The following GRIP2 variants were observed in gnomAD, a reference collection of about 807,000 sequenced individuals.
GRIP2 encodes the protein glutamate receptor interacting protein 2.
In GRIP2, 58 loss-of-function variants were observed where a neutral mutation model predicts 108.3. The observed-to-expected ratio is 0.54, with a 90% CI of 0.43 to 0.67. The LOEUF is 0.67. Among genes scored for constraint, GRIP2 ranks in the 30% least tolerant of loss-of-function variants. GRIP2 has a pLI of 0.00. For missense variants in GRIP2, 1,278 were observed against 1,430.6 expected (o/e 0.89, Z 1.72); for synonymous variants, 586 against 598.2 (o/e 0.98, Z 0.30).
At chr3:14,596,842 G>A in the GRIP2 span, among the ~76,000 whole-genome samples, 1 of 152,006 alleles carries the variant, frequency 6.6e-6, no homozygotes, top group African/African-American at 2.4e-5. Context: ...CCAGGCCCAA[G>A]TAATCCTCTT....
upstream of GRIP2, chr3:14,541,858 CG>C: frequency 7.6e-7 from 1 of 1,315,922 alleles, no homozygotes; most frequent in African/African-American, 1.5e-5. Context: ...CATGCAGGGA[CG>C]GGGGTACACG....
At chr3:14,516,935 T>C (rs1694263668) in intron 11 of GRIP2, 129 bp downstream of exon 11, 1 of 870,204 alleles carries the variant, frequency 1.1e-6, no homozygotes, top group Admixed American at 4.0e-5. Context: ...TCATGTTATT[T>C]AACATTCCCA....
chr3:14,523,812 G>C, intron 4 of GRIP2, 114 bp from the exon 5 acceptor site: 1 of 741,062 alleles, frequency 1.3e-6, no homozygotes, highest in Non-Finnish European at 2.4e-6. Flanking sequence ...ATTACAGGGA[G>C]GGTAAACCCT....
the GRIP2 span, among the ~76,000 whole-genome samples, chr3:14,572,634 A>T: frequency 1.3e-5 from 2 of 148,762 alleles, 1 homozygote; most frequent in African/African-American, 4.9e-5. Flanking sequence ...AAAAAAAAAG[A>T]CACAAGCTAG....
At chr3:14,597,154 A>G in the GRIP2 span, among the ~76,000 whole-genome samples, 1 of 152,218 alleles carries the variant, frequency 6.6e-6, no homozygotes, top group Admixed American at 6.5e-5. Flanking sequence ...TTTTGGGTGA[A>G]GGCATTAAAG....
chr3:14,602,683 G>A, the GRIP2 span, among the ~76,000 whole-genome samples: 1 of 151,818 alleles, frequency 6.6e-6, no homozygotes, highest in Non-Finnish European at 1.5e-5. This position sits in a 1 kb window ranked among gnomAD's most constrained non-coding sequence, Gnocchi z 4.7. Context: ...CGCGCCCCGT[G>A]GGCCCCACTG....
chr3:14,521,085 C>T lies in GRIP2; in HGVS notation c.713-548G>A, dbSNP rs1051374354. The T allele has an allele frequency of 1.8e-5, 3 of 166,504 alleles. No individual in the cohort carries two copies. Among genetic ancestry groups the T allele is most frequent in the African/African-American group, 7.2e-5 (3 of 41,696 alleles). The allele number at this position is 166,504 out of a possible 1,614,324, so 10.3% of individuals were successfully genotyped here. A position where few individuals can be genotyped will look rare whatever the true frequency, so the allele number is the denominator to read the frequency against. On this transcript the variant is annotated intron_variant, in intron 7 of 23. Coordinates refer to ENST00000621039, the MANE Select transcript of GRIP2 (RefSeq NM_001080423.4). The surrounding 1 kb of genome is among the most constrained non-coding windows in gnomAD (Gnocchi z 5.1). ...GCTCTCGCTTGGACAGCTGCTGCCG[C>T]TTCCTATGGCCTCCCGGCTTCCACC...
chr3:14,578,649 A>G, the GRIP2 span, among the ~76,000 whole-genome samples: 1 of 152,068 alleles, frequency 6.6e-6, no homozygotes, highest in East Asian at 1.9e-4. Flanking sequence ...CCTGGGAGGC[A>G]AAGGTTGCAG....
At position 14,521,843 on chromosome 3, in the gene GRIP2, G is replaced by C; in HGVS notation, c.567-56C>G. ...CCGGCAGCAGCACTGGGCACAGCCT[G>C]TCTGGGAGGGCGCTGGGAAGCGGGA... On this transcript the variant is annotated intron_variant, in intron 6 of 23. Coordinates refer to ENST00000621039, the MANE Select transcript of GRIP2 (RefSeq NM_001080423.4). The surrounding 1 kb of genome is among the most constrained non-coding windows in gnomAD (Gnocchi z 5.1). 6.8e-7 allele frequency: 1 copy of C among 1,474,430 alleles called. No homozygotes were observed. Among genetic ancestry groups the C allele is most frequent in the Non-Finnish European group, 9.0e-7 (1 of 1,108,106 alleles). 91.3% of individuals were successfully genotyped at this position (1,474,430 alleles called of 1,614,324 possible).
In GRIP2 at chr3:14,514,438, A is replaced by C. The variant is rs1488659972; in HGVS notation, c.1347T>G (p.Ile449Met). 4 of 1,578,236 alleles carry C rather than the reference A, an allele frequency of 2.5e-6. No homozygotes were observed. Among genetic ancestry groups the C allele is most frequent in the Non-Finnish European group, 3.4e-6 (4 of 1,163,642 alleles). Residue 449 changes from isoleucine (I) to methionine (M), a missense_variant, in exon 12 of 24, where the codon ATT (isoleucine) becomes ATG (methionine). Transcript: ENST00000621039. ...CGACCTCCGTGGTCTCCGTGTGCAC[A>C]ATCTGCCCGCCCGGCCCCACCGTGC... ...ASSTVGPGGQ[I>M]VHTETTEVVL...
upstream of GRIP2, among the ~76,000 whole-genome samples, chr3:14,543,148 A>C (rs1313306579): frequency 2.0e-4 from 30 of 152,252 alleles, no homozygotes; most frequent in Admixed American, 2.0e-3. Context: ...GAGACAAAGA[A>C]GGAAACAGAG....
At position 14,511,716 on chromosome 3, in the gene GRIP2, A is replaced by G. The variant is rs938750546; in HGVS notation, c.1721-237T>C. Among the ~76,000 whole-genome samples the G allele has an allele frequency of 1.3e-5, 2 of 152,222 alleles. No individual in the cohort carries two copies. The highest frequency in any genetic ancestry group is 4.8e-5 in the African/African-American group (2 of 41,448). On this transcript the variant is annotated intron_variant, in intron 14 of 23. Transcript: ENST00000621039. The surrounding 1 kb of genome is among the most constrained non-coding windows in gnomAD (Gnocchi z 4.1). ...TGGGGATGTGGTGAGAGTAAACCAG[A>G]TAACACAGGCACAAGATCCAGCATG...
intron 1 of GRIP2, 70 bp from the exon 2 acceptor site, chr3:14,526,001 G>A: frequency 7.2e-7 from 1 of 1,381,962 alleles, no homozygotes; most frequent in African/African-American, 1.4e-5. Flanking sequence ...CTTCTGCTTT[G>A]GGAATTTTCC....
chr3:14,506,768 C>A, intron 19 of GRIP2, 33 bp downstream of exon 19: 1 of 1,540,228 alleles, frequency 6.5e-7, no homozygotes, highest in Non-Finnish European at 8.8e-7. Flanking sequence ...CTAGAGAGAG[C>A]GTGCCACTTG....
Position 14,490,238 on chromosome 3 carries a change from T to C in GRIP2, c.*3427A>G. The stretch of plus-strand genomic sequence containing the variant: ...ACCTCTCTGTGCCTGTTTCCTCATC[T>C]GTAATGATGGGACAGGAATAGAGCC... On this transcript the variant is annotated 3_prime_UTR_variant, in exon 24 of 24. Coordinates refer to ENST00000621039, the MANE Select transcript of GRIP2 (RefSeq NM_001080423.4). 6.6e-6 allele frequency: 1 copy of C among 152,650 alleles called. No individual in the cohort carries two copies. The highest frequency in any genetic ancestry group is 1.5e-5 in the Non-Finnish European group (1 of 68,276). The allele number at this position is 152,650 out of a possible 1,614,324, so 9.5% of individuals were successfully genotyped here.
chr3:14,496,961 C>CTT (rs56751492), intron 21 of GRIP2, among the ~76,000 whole-genome samples: 13,353 of 136,350 alleles, frequency 0.098, 1,971 homozygotes, highest in African/African-American at 0.32. Flanking sequence ...AGTCAAGACT[C>CTT]TTTTTTTTTT....
Position 14,511,331 on chromosome 3 carries a change from G to C in GRIP2, c.1788-21C>G, listed in dbSNP as rs199789435. The C allele has an allele frequency of 1.2e-6, 2 of 1,613,994 alleles. No homozygotes were observed. Among genetic ancestry groups the C allele is most frequent in the South Asian group, 2.2e-5 (2 of 91,080 alleles). ...CCGTCCTGCATGAGTCGGGGGCAGA[G>C]GGGATGGAAGGAGCCTGGTGCATGC... On this transcript the variant is annotated intron_variant, in intron 15 of 23. Coordinates refer to ENST00000621039, the MANE Select transcript of GRIP2 (RefSeq NM_001080423.4). The surrounding 1 kb of genome is among the most constrained non-coding windows in gnomAD (Gnocchi z 4.1).
chr3:14,491,691 T>C lies in GRIP2; in HGVS notation c.*1974A>G, dbSNP rs1388798062. On this transcript the variant is annotated 3_prime_UTR_variant, in exon 24 of 24. Transcript: ENST00000621039. ...TGGAGTCCTGGAGTCAATGCAGTTTTCCCAAGCCGAGAGGCCCTGAGAGTG... is the reference window on the plus strand; with the variant it reads ...TGGAGTCCTGGAGTCAATGCAGTTTCCCCAAGCCGAGAGGCCCTGAGAGTG... 1 of 152,402 alleles carries C rather than the reference T, an allele frequency of 6.6e-6. No homozygotes were observed. The highest frequency in any genetic ancestry group is 1.5e-5 in the Non-Finnish European group (1 of 68,198). The allele number at this position is 152,402 out of a possible 1,614,324, so 9.4% of individuals were successfully genotyped here.
upstream of GRIP2, among the ~76,000 whole-genome samples, chr3:14,541,160 C>T (rs2124962577): frequency 6.6e-6 from 1 of 152,376 alleles, no homozygotes; most frequent in Non-Finnish European, 1.5e-5. Context: ...TTAATGGACA[C>T]CTGAGGCTCC....
Sources: allele counts gnomAD v4.1 joint callset (sites outside exome capture counted in the v4.1 genomes callset), GRCh38; gene constraint gnomAD v4.1.1; non-coding constraint Gnocchi (gnomAD v3.1); transcripts MANE v1.5; gene names NCBI Gene and HGNC (gene_info 2026-07-23, HGNC 2026-07-21).